Variants in TTC29 observed in about 807,000 individuals in gnomAD.
TTC29 encodes the protein tetratricopeptide repeat domain 29.
Under a neutral mutation model 58.1 loss-of-function variants are expected in TTC29, and 49 were observed. The ratio of observed to expected loss-of-function variants is 0.84; its 90% CI spans 0.67 to 1.07. The LOEUF is 1.07. TTC29 is among the 50% of genes least tolerant of loss of function. The probability of loss-of-function intolerance (pLI) is 0.00; values close to 1 mark genes in which losing one functional copy is unlikely to be tolerated. For synonymous variants in TTC29, 209 were observed against 196.8 expected (o/e 1.06, Z -0.52); for missense variants, 582 against 555.6 (o/e 1.05, Z -0.48).
At chr4:146,759,512 C>T (rs765600747) in intron 11 of TTC29, among the ~76,000 whole-genome samples, 4 of 151,910 alleles carry the variant, frequency 2.6e-5, no homozygotes, top group Non-Finnish European at 5.9e-5. Flanking sequence ...ATATCCTTGA[C>T]GAATATAGAT....
intron 11 of TTC29, among the ~76,000 whole-genome samples, chr4:146,779,273 A>T (rs951701445): frequency 4.6e-5 from 7 of 152,150 alleles, no homozygotes; most frequent in African/African-American, 1.7e-4. Flanking sequence ...TACATATTGA[A>T]GAGCAACTTC....
intron 11 of TTC29, among the ~76,000 whole-genome samples, chr4:146,714,392 A>C (rs917576562): frequency 4.6e-5 from 7 of 152,178 alleles, no homozygotes; most frequent in African/African-American, 1.7e-4. Context: ...AGTCAAAAAG[A>C]TGAACATATT....
intron 11 of TTC29, among the ~76,000 whole-genome samples, chr4:146,721,632 G>C: frequency 6.6e-6 from 1 of 152,076 alleles, no homozygotes; most frequent in East Asian, 1.9e-4. Context: ...TCTACTGAAA[G>C]ACAGACAGAG....
At chr4:146,934,787 C>T (rs13130314) in intron 4 of TTC29, among the ~76,000 whole-genome samples, 34,573 of 151,956 alleles carry the variant, frequency 0.23, 4,204 homozygotes, top group Admixed American at 0.3. Flanking sequence ...GAGCGTTCAA[C>T]TTGGTCAAAT....
At chr4:146,941,704 T>G (rs1736411357) in intron 2 of TTC29, among the ~76,000 whole-genome samples, 1 of 152,200 alleles carries the variant, frequency 6.6e-6, no homozygotes, top group South Asian at 2.1e-4. Flanking sequence ...AAACTGGCTT[T>G]TATTCTTATT....
At chr4:146,762,239 G>A (rs1378388313) in intron 11 of TTC29, among the ~76,000 whole-genome samples, 1 of 151,974 alleles carries the variant, frequency 6.6e-6, no homozygotes, top group Non-Finnish European at 1.5e-5. Flanking sequence ...TGTCAGGCTG[G>A]CCTGATTCCC....
intron 6 of TTC29, among the ~76,000 whole-genome samples, chr4:146,881,934 A>G (rs962921848): frequency 6.6e-5 from 10 of 152,110 alleles, no homozygotes; most frequent in African/African-American, 2.4e-4. Context: ...ATAAGATGCT[A>G]GTTTAAAAAC....
At chr4:146,912,857 G>A (rs1038858315) in intron 4 of TTC29, among the ~76,000 whole-genome samples, 27 of 152,044 alleles carry the variant, frequency 1.8e-4, no homozygotes, top group African/African-American at 5.8e-4. Flanking sequence ...ATTTTAAGGA[G>A]ACAAAAATAT....
At chr4:146,750,015 CT>C (rs60528980) in intron 11 of TTC29, among the ~76,000 whole-genome samples, 119 of 151,390 alleles carry the variant, frequency 7.9e-4, no homozygotes, top group African/African-American at 2.8e-3. Flanking sequence ...ACTATACCTG[CT>C]TTTTTTTTGA....
chr4:146,861,264 A>C (rs954448874), intron 8 of TTC29, among the ~76,000 whole-genome samples: 8 of 152,168 alleles, frequency 5.3e-5, no homozygotes, highest in African/African-American at 1.9e-4. Context: ...ATTCTTGGTA[A>C]AATATTTTTC....
chr4:146,743,885 C>T (rs1351094484), intron 11 of TTC29, among the ~76,000 whole-genome samples: 3 of 152,168 alleles, frequency 2.0e-5, no homozygotes, highest in African/African-American at 7.2e-5. Context: ...CTAGTGGGAT[C>T]TTCCCTCACA....
intron 2 of TTC29, among the ~76,000 whole-genome samples, chr4:146,944,533 C>T (rs1236385663): frequency 6.6e-6 from 1 of 152,102 alleles, no homozygotes; most frequent in African/African-American, 2.4e-5. Context: ...GGAGGGAGAC[C>T]TACTACTATG....
intron 11 of TTC29, among the ~76,000 whole-genome samples, chr4:146,763,385 G>A (rs187461220): frequency 1.7e-3 from 256 of 152,082 alleles, no homozygotes; most frequent in Non-Finnish European, 2.8e-3. Context: ...AAGGAATTTT[G>A]TTGATGATAA....
intron 6 of TTC29, among the ~76,000 whole-genome samples, chr4:146,899,393 C>T (rs941694397): frequency 2.6e-5 from 4 of 152,168 alleles, no homozygotes; most frequent in Admixed American, 2.0e-4. Context: ...GCTGCTTGTC[C>T]GTTTGTCCTG....
At chr4:146,880,883 C>G (rs779847075) in intron 6 of TTC29, among the ~76,000 whole-genome samples, 2 of 151,656 alleles carry the variant, frequency 1.3e-5, no homozygotes, top group Non-Finnish European at 2.9e-5. Flanking sequence ...ACATTAGAGG[C>G]ATGATTGAGT....
intron 11 of TTC29, among the ~76,000 whole-genome samples, chr4:146,762,629 T>G (rs892773014): frequency 1.3e-5 from 2 of 151,938 alleles, no homozygotes; most frequent in African/African-American, 4.8e-5. Context: ...ATTGTTTATC[T>G]AGCCTAGTCA....
intron 11 of TTC29, among the ~76,000 whole-genome samples, chr4:146,771,931 T>C (rs1217502687): frequency 1.3e-5 from 2 of 152,206 alleles, no homozygotes; most frequent in Non-Finnish European, 2.9e-5. Flanking sequence ...TTTGACTTTT[T>C]AATAATAGCC....
At chr4:146,734,591 A>G (rs1744586275) in intron 11 of TTC29, among the ~76,000 whole-genome samples, 1 of 152,080 alleles carries the variant, frequency 6.6e-6, no homozygotes, top group African/African-American at 2.4e-5. Context: ...TGAACCCTCA[A>G]CCTGGGGAAT....
intron 6 of TTC29, among the ~76,000 whole-genome samples, chr4:146,877,408 A>G (rs1198927316): frequency 6.6e-6 from 1 of 152,164 alleles, no homozygotes; most frequent in African/African-American, 2.4e-5. Flanking sequence ...CATTGAGACC[A>G]ATACTCAAGG....
Sources: allele counts gnomAD v4.1 joint callset (sites outside exome capture counted in the v4.1 genomes callset), GRCh38; gene constraint gnomAD v4.1.1; transcripts MANE v1.5; gene names NCBI Gene and HGNC (gene_info 2026-07-23, HGNC 2026-07-21).